The following ACACA variants were observed in gnomAD, a reference collection of about 807,000 sequenced individuals.
The protein encoded by ACACA is acetyl-CoA carboxylase alpha.
In ACACA, 103 loss-of-function variants were observed where a neutral mutation model predicts 296.1. The ratio of observed to expected loss-of-function variants is 0.35; its 90% CI spans 0.30 to 0.41. The LOEUF (loss-of-function observed/expected upper bound fraction) is 0.41, where lower values mean the gene tolerates loss of function less well. Among genes scored for constraint, ACACA ranks in the 10% least tolerant of loss-of-function variants. The pLI is 1.00. For synonymous variants in ACACA, 953 were observed against 1,038.6 expected (o/e 0.92, Z 1.58); for missense variants, 1,554 against 2,989.7 (o/e 0.52, Z 11.20).
At chr17:37,387,941 G>C (rs2050617018) in intron 1 of ACACA, 1 of 152,088 alleles carries the variant, frequency 6.6e-6, no homozygotes, top group Non-Finnish European at 1.5e-5. Context: ...AAGACTGTAG[G>C]ATCACTTGAG....
chr17:37,399,847 T>C (rs892160993), intron 1 of ACACA, among the ~76,000 whole-genome samples: 2 of 152,188 alleles, frequency 1.3e-5, no homozygotes, highest in Admixed American at 1.3e-4. Flanking sequence ...TTTTTTGCTT[T>C]ATTTTTATAA....
At position 37,242,072 on chromosome 17, in the gene ACACA, A is replaced by G. The variant is rs560542052; in HGVS notation, c.2932-19T>C. 29 of 1,600,172 alleles carry G rather than the reference A, an allele frequency of 1.8e-5. No homozygotes were observed. Among genetic ancestry groups the G allele is most frequent in the Middle Eastern group, 1.7e-4 (1 of 6,034 alleles). On this transcript the variant is annotated intron_variant, in intron 22 of 55. Transcript: ENST00000616317. The stretch of plus-strand genomic sequence containing the variant: ...TTGCAATCTAAGGTATAAAAAAGGG[A>G]AAAAAATGAGGCCCAACCCAACAAA...
chr17:37,091,565 G>T (rs1221245820), intron 54 of ACACA, among the ~76,000 whole-genome samples: 4 of 152,022 alleles, frequency 2.6e-5, no homozygotes, highest in Admixed American at 2.6e-4. Context: ...CTTCCACTGG[G>T]TTATGGAGTT....
At position 37,181,195 on chromosome 17, in the gene ACACA, T is replaced by A. The variant is rs762224853; in HGVS notation, c.4932+6A>T. The A allele has an allele frequency of 4.3e-6, 7 of 1,614,112 alleles. No homozygotes were observed. Among genetic ancestry groups the A allele is most frequent in the Middle Eastern group, 1.7e-4 (1 of 6,060 alleles). On this transcript the variant is annotated splice_donor_region_variant and intron_variant, in intron 40 of 55. Coordinates refer to ENST00000616317, the MANE Select transcript of ACACA (RefSeq NM_198834.3). ...ACATGTCAGACCCTCCAGTTAGGCA[T>A]CTTACCTGCCGAAACATCTCTGGGA... is the stretch of plus-strand genomic sequence containing the variant.
At chr17:37,320,695 C>T (rs550909799) in intron 3 of ACACA, among the ~76,000 whole-genome samples, 2 of 152,000 alleles carry the variant, frequency 1.3e-5, no homozygotes, top group East Asian at 3.9e-4. Context: ...GCCTGTAATC[C>T]CAGCACTTTG....
intron 50 of ACACA, among the ~76,000 whole-genome samples, chr17:37,116,269 T>C (rs1290330312): frequency 6.6e-6 from 1 of 152,212 alleles, no homozygotes; most frequent in African/African-American, 2.4e-5. Flanking sequence ...ATTACAGGTG[T>C]AAGCCTCTGT....
At chr17:37,338,307 T>G (rs894435197) in intron 2 of ACACA, among the ~76,000 whole-genome samples, 1 of 150,382 alleles carries the variant, frequency 6.6e-6, no homozygotes, top group Admixed American at 6.6e-5. Context: ...CTTGAAATAT[T>G]AGGTCTTAAA....
chr17:37,177,269 CGTGTGTGTGTGTGTGTGT>C (rs112439511), intron 41 of ACACA, among the ~76,000 whole-genome samples: 2 of 146,426 alleles, frequency 1.4e-5, no homozygotes, highest in Non-Finnish European at 3.0e-5. Flanking sequence ...TTAAAAAATT[CGTGTGTGTGTGTGTGTGT>C]GTGTGTGTGT....
In ACACA at chr17:37,097,279, C is replaced by G; in HGVS notation, c.6721-113G>C. On this transcript the variant is annotated intron_variant, in intron 53 of 55. Transcript: ENST00000616317. The surrounding 1 kb of genome is among the most constrained non-coding windows in gnomAD (Gnocchi z 4.8). ...TTCTCCAGGCAAGCCCTTCACAGAC[C>G]CAAGAGCTGGCTGTAAACTCCTAGC... 1 of 1,263,790 alleles carries G rather than the reference C, an allele frequency of 7.9e-7. No homozygotes were observed. The allele number at this position is 1,263,790 out of a possible 1,614,324, so 78.3% of individuals were successfully genotyped here.
Position 37,388,651 on chromosome 17 carries a change from A to T in ACACA, c.38+17611T>A, listed in dbSNP as rs1261503401. 2.5e-6 allele frequency: 4 copies of T among 1,608,722 alleles called. No homozygotes were observed. In the East Asian group the frequency reaches 8.9e-5, roughly 36 times the overall value. ...TCAAATTTTCTTTTCTCCCTCTTCC[A>T]CTCCCCTCTCTCCTTTAGACACAGA... On this transcript the variant is annotated intron_variant, in intron 1 of 55. Transcript: ENST00000616317.
At chr17:37,151,821 C>A (rs1333355660) in intron 43 of ACACA, among the ~76,000 whole-genome samples, 1 of 152,148 alleles carries the variant, frequency 6.6e-6, no homozygotes, top group Non-Finnish European at 1.5e-5. Context: ...GCCACCACGC[C>A]CGGCTAATTT....
Position 37,122,614 on chromosome 17 carries a change from G to C in ACACA, c.6055C>G (p.Pro2019Ala). ...GTTTCTACAGCAACAACTCCCACAG[G>C]TATTCCTCCTAGCCTGATAAAACAT... ...VVGRARLGGI[P>A]VGVVAVETRT... The change falls in exon 49 of 56, where the codon CCT (proline) becomes GCT (alanine). Residue 2019 changes from proline (P) to alanine (A), a missense_variant. This residue lies in a region of ACACA where 553 missense variants were observed against 1,043.6 expected (regional missense o/e 0.53). Transcript: ENST00000616317. The C allele has an allele frequency of 6.2e-7, 1 of 1,614,012 alleles. No individual in the cohort carries two copies. The highest frequency in any genetic ancestry group is 8.5e-7 in the Non-Finnish European group (1 of 1,179,898).
At chr17:37,128,157 G>A (rs1436594668) in intron 47 of ACACA, among the ~76,000 whole-genome samples, 1 of 150,634 alleles carries the variant, frequency 6.6e-6, no homozygotes, top group Non-Finnish European at 1.5e-5. Flanking sequence ...AACAGGTAAA[G>A]TTATAAATTA....
rs576631102 is a variant in ACACA at position 37,144,541 on chromosome 17, A to G, written c.5679+5323T>C. 10 of 168,274 alleles carry G rather than the reference A, an allele frequency of 5.9e-5. No individual in the cohort carries two copies. The South Asian group carries it at 1.6e-3, about 28-fold the overall frequency. 10.4% of individuals were successfully genotyped at this position (168,274 alleles called of 1,614,324 possible). On this transcript the variant is annotated intron_variant, in intron 45 of 55. Coordinates refer to ENST00000616317, the MANE Select transcript of ACACA (RefSeq NM_198834.3). ...GTGCAGGTCCCTGGTGTAACAGACA[A>G]TTCCCACTCCTGAGAGGAACTCTGG...
chr17:37,241,895 A>C, intron 23 of ACACA, 58 bp downstream of exon 23: 1 of 1,448,894 alleles, frequency 6.9e-7, no homozygotes, highest in African/African-American at 1.4e-5. Context: ...TGACCACTTG[A>C]AAGAAAGGAA....
At chr17:37,352,815 A>G (rs1304930511) in intron 1 of ACACA, among the ~76,000 whole-genome samples, 2 of 152,194 alleles carry the variant, frequency 1.3e-5, no homozygotes, top group Non-Finnish European at 2.9e-5. Context: ...TTAAGGCATT[A>G]TACTTTATAT....
intron 1 of ACACA, chr17:37,358,885 C>A (rs1053761617): frequency 6.4e-6 from 6 of 943,616 alleles, no homozygotes; most frequent in Middle Eastern, 5.3e-4. Context: ...GGAGCCCAGG[C>A]CGCGTGCGGG....
intron 54 of ACACA, among the ~76,000 whole-genome samples, chr17:37,094,582 C>G (rs569002596): frequency 4.7e-4 from 70 of 148,784 alleles, no homozygotes; most frequent in East Asian, 1.2e-3. Flanking sequence ...ACCCCCCCCC[C>G]CCCACACCAA....
intron 3 of ACACA, among the ~76,000 whole-genome samples, chr17:37,315,358 AAC>A (rs2047041504): frequency 1.3e-5 from 2 of 152,220 alleles, no homozygotes; most frequent in Admixed American, 6.5e-5. Flanking sequence ...ATTTACTTAC[AAC>A]ACTTTGACAC....
Sources: allele counts gnomAD v4.1 joint callset (sites outside exome capture counted in the v4.1 genomes callset), GRCh38; gene constraint gnomAD v4.1.1; regional missense constraint gnomAD v4.1.1; non-coding constraint Gnocchi (gnomAD v3.1); transcripts MANE v1.5; gene names NCBI Gene and HGNC (gene_info 2026-07-23, HGNC 2026-07-21).